The following DCC variants were observed in gnomAD, a reference collection of about 807,000 sequenced individuals.
DCC encodes the protein DCC netrin 1 receptor.
In DCC, 58 loss-of-function variants were observed where a neutral mutation model predicts 172.5. That is an observed-to-expected ratio of 0.34 (90% CI 0.27 to 0.42). The LOEUF is 0.42. Among genes scored for constraint, DCC ranks in the 10% least tolerant of loss-of-function variants. DCC has a pLI of 1.00. For synonymous variants in DCC, 709 were observed against 644.5 expected (o/e 1.10, Z -1.52); for missense variants, 1,740 against 1,791.0 (o/e 0.97, Z 0.51).
chr18:52,686,226 A>C (rs1317931409), intron 1 of DCC, among the ~76,000 whole-genome samples: 1 of 151,326 alleles, frequency 6.6e-6, no homozygotes, highest in Non-Finnish European at 1.5e-5. Context: ...CACACTTAAC[A>C]CTTACTCCTG....
chr18:52,529,734 T>C (rs1409926202), intron 1 of DCC, among the ~76,000 whole-genome samples: 1 of 152,218 alleles, frequency 6.6e-6, no homozygotes, highest in Non-Finnish European at 1.5e-5. Context: ...ATAAGAATTA[T>C]CCTTGATCAT....
intron 1 of DCC, among the ~76,000 whole-genome samples, chr18:52,352,499 A>G (rs1221040442): frequency 6.6e-6 from 1 of 152,178 alleles, no homozygotes; most frequent in Non-Finnish European, 1.5e-5. Context: ...GCAGCGTATG[A>G]CACACTTCCT....
At chr18:53,060,612 A>G (rs2042480592) in intron 5 of DCC, among the ~76,000 whole-genome samples, 5 of 152,194 alleles carry the variant, frequency 3.3e-5, no homozygotes, top group Admixed American at 3.3e-4. Flanking sequence ...CAATATTACA[A>G]CTATAATAAT....
intron 1 of DCC, among the ~76,000 whole-genome samples, chr18:52,501,183 A>T (rs1205482295): frequency 6.6e-6 from 1 of 152,154 alleles, no homozygotes; most frequent in African/African-American, 2.4e-5. Context: ...AGCCAAGTGC[A>T]TGGCTTTACA....
At chr18:53,235,735 C>T (rs1417223189) in intron 12 of DCC, among the ~76,000 whole-genome samples, 1 of 152,056 alleles carries the variant, frequency 6.6e-6, no homozygotes, top group African/African-American at 2.4e-5. Flanking sequence ...ACTTTTTCAT[C>T]ATCTCAAACA....
At chr18:53,234,770 CAT>C (rs1003951401) in intron 12 of DCC, among the ~76,000 whole-genome samples, 1 of 152,208 alleles carries the variant, frequency 6.6e-6, no homozygotes, top group Non-Finnish European at 1.5e-5. Flanking sequence ...GAGGAACACA[CAT>C]GTGGATTCTC....
In DCC at chr18:53,149,928, G is replaced by T. The variant is rs768653963; in HGVS notation, c.1262-7428G>T. The stretch of plus-strand genomic sequence containing the variant: ...GAATCACACTTTCTATAACAGACCC[G>T]TAGGTCCCCTTCTGGATACAAGGTC... On this transcript the variant is annotated intron_variant, in intron 7 of 28. Coordinates refer to ENST00000442544, the MANE Select transcript of DCC (RefSeq NM_005215.4). Among the ~76,000 whole-genome samples, 3 of 152,080 alleles carry T rather than the reference G, an allele frequency of 2.0e-5. No individual in the cohort carries two copies. In the South Asian group the frequency reaches 6.2e-4, roughly 31 times the overall value.
At chr18:53,149,337 C>G (rs1039050492) in intron 7 of DCC, among the ~76,000 whole-genome samples, 1 of 152,172 alleles carries the variant, frequency 6.6e-6, no homozygotes, top group South Asian at 2.1e-4. Context: ...GACTCCACTT[C>G]TCATTATCAC....
chr18:52,415,367 T>C (rs1986985898), intron 1 of DCC, among the ~76,000 whole-genome samples: 1 of 152,198 alleles, frequency 6.6e-6, no homozygotes, highest in Non-Finnish European at 1.5e-5. Flanking sequence ...TGATATGTTC[T>C]AAGCCTGAAG....
At chr18:53,103,021 T>C (rs1176835790) in intron 7 of DCC, among the ~76,000 whole-genome samples, 1 of 152,118 alleles carries the variant, frequency 6.6e-6, no homozygotes, top group African/African-American at 2.4e-5. Flanking sequence ...TAAGGGATGG[T>C]TAGCTCACAG....
chr18:52,920,914 C>T (rs947192469), intron 3 of DCC, among the ~76,000 whole-genome samples: 3 of 152,028 alleles, frequency 2.0e-5, no homozygotes, highest in African/African-American at 7.3e-5. Context: ...GAGAAAAAAG[C>T]CAGTCTGAAA....
chr18:53,216,073 A>G (rs1442516708), intron 12 of DCC, among the ~76,000 whole-genome samples: 1 of 152,200 alleles, frequency 6.6e-6, no homozygotes, highest in Non-Finnish European at 1.5e-5. Flanking sequence ...TTGAACTTCA[A>G]TACAGTTATA....
chr18:53,270,409 G>A (rs1214014167), intron 12 of DCC, among the ~76,000 whole-genome samples: 3 of 152,030 alleles, frequency 2.0e-5, no homozygotes, highest in African/African-American at 7.2e-5. Flanking sequence ...CATATAGGAA[G>A]AATAGAGTAT....
chr18:53,114,184 C>G (rs903807972), intron 7 of DCC, among the ~76,000 whole-genome samples: 2 of 151,370 alleles, frequency 1.3e-5, no homozygotes, highest in African/African-American at 2.4e-5. Flanking sequence ...ATTTATAATA[C>G]CAGTTAGCAT....
intron 18 of DCC, among the ~76,000 whole-genome samples, chr18:53,399,414 A>G (rs1209930712): frequency 6.6e-6 from 1 of 152,152 alleles, no homozygotes; most frequent in Non-Finnish European, 1.5e-5. Context: ...CTTTCATGAT[A>G]TAGAGGAGAG....
At chr18:53,287,764 A>G (rs1297548306) in intron 12 of DCC, among the ~76,000 whole-genome samples, 1 of 152,156 alleles carries the variant, frequency 6.6e-6, no homozygotes, top group Non-Finnish European at 1.5e-5. Flanking sequence ...CTTTTCTAAC[A>G]AAGAACTTTT....
At chr18:53,079,211 G>T (rs962376442) in intron 7 of DCC, among the ~76,000 whole-genome samples, 3 of 152,042 alleles carry the variant, frequency 2.0e-5, no homozygotes, top group African/African-American at 7.2e-5. Flanking sequence ...ATGGAGAAGA[G>T]AATTGGTAGC....
At chr18:53,338,735 A>G (rs377315337) in intron 14 of DCC, among the ~76,000 whole-genome samples, 1 of 152,234 alleles carries the variant, frequency 6.6e-6, no homozygotes, top group East Asian at 1.9e-4. Context: ...TTTTCAACAC[A>G]CAATCCCTTT....
At chr18:52,649,045 A>C (rs966620977) in intron 1 of DCC, among the ~76,000 whole-genome samples, 3 of 152,132 alleles carry the variant, frequency 2.0e-5, no homozygotes, top group African/African-American at 7.2e-5. Flanking sequence ...TGCATTAGAA[A>C]TCTCCTTAAA....
Sources: allele counts gnomAD v4.1 joint callset (sites outside exome capture counted in the v4.1 genomes callset), GRCh38; gene constraint gnomAD v4.1.1; transcripts MANE v1.5; gene names NCBI Gene and HGNC (gene_info 2026-07-23, HGNC 2026-07-21).